Variants in RASAL2 observed in about 807,000 individuals in gnomAD.
The protein encoded by RASAL2 is ras GTPase-activating protein nGAP.
Under a neutral mutation model 128.9 loss-of-function variants are expected in RASAL2, and 58 were observed. That is an observed-to-expected ratio of 0.45 (90% CI 0.36 to 0.56). The LOEUF (loss-of-function observed/expected upper bound fraction) is 0.56, where lower values mean the gene tolerates loss of function less well. RASAL2 is among the 20% of genes least tolerant of loss of function. RASAL2 has a pLI of 0.00. For missense variants in RASAL2, 1,360 were observed against 1,601.6 expected, an observed-to-expected ratio of 0.85 and a Z score of 2.57; for synonymous variants, 561 against 580.8, an observed-to-expected ratio of 0.97 and a Z score of 0.49.
At chr1:178,174,655 T>G (rs1434199111) in intron 1 of RASAL2, among the ~76,000 whole-genome samples, 1 of 152,152 alleles carries the variant, frequency 6.6e-6, no homozygotes, top group Non-Finnish European at 1.5e-5. Flanking sequence ...ATTAGGTCAG[T>G]CAAGAAGGCC....
chr1:178,309,646 T>C (rs545119971), intron 3 of RASAL2, among the ~76,000 whole-genome samples: 2 of 152,162 alleles, frequency 1.3e-5, no homozygotes, highest in African/African-American at 4.8e-5. Context: ...AGTTCTGTTA[T>C]AATATGACAT....
intron 1 of RASAL2, among the ~76,000 whole-genome samples, chr1:178,224,679 G>A (rs1396559029): frequency 6.6e-6 from 1 of 152,086 alleles, no homozygotes; most frequent in East Asian, 1.9e-4. Flanking sequence ...TTTGTTAACC[G>A]TAGCATCTAT....
At chr1:178,176,235 C>T (rs567745031) in intron 1 of RASAL2, among the ~76,000 whole-genome samples, 2 of 151,872 alleles carry the variant, frequency 1.3e-5, no homozygotes, top group African/African-American at 2.4e-5. Flanking sequence ...TTTTTTGACT[C>T]TAGTTGTGGC....
rs1016417114 is a variant in RASAL2 at position 178,476,518 on chromosome 1, TGTG to T, written c.*3282_*3284del. 2 of 151,988 alleles carry T rather than the reference TGTG, an allele frequency of 1.3e-5. No individual in the cohort carries two copies. Among genetic ancestry groups the T allele is most frequent in the African/African-American group, 4.8e-5 (2 of 41,344 alleles). 9.4% of individuals were successfully genotyped at this position (151,988 alleles called of 1,614,324 possible). Reference sequence around the variant, plus strand: ...TATGGCAGTCTAACGGTAAGAAAAATGTGGTAAAATGAGGTAATCATGCTGCTA... The same window carrying T: ...TATGGCAGTCTAACGGTAAGAAAAATGTAAAATGAGGTAATCATGCTGCTA... On this transcript the variant is annotated 3_prime_UTR_variant, in exon 18 of 18. Transcript: ENST00000367649.
At chr1:178,357,624 A>G (rs1215004722) in intron 3 of RASAL2, among the ~76,000 whole-genome samples, 1 of 152,198 alleles carries the variant, frequency 6.6e-6, no homozygotes, top group Non-Finnish European at 1.5e-5. Context: ...CTCAGCCAAA[A>G]ACAAAAAACA....
chr1:178,329,075 C>T (rs1669172218), intron 3 of RASAL2, among the ~76,000 whole-genome samples: 1 of 152,156 alleles, frequency 6.6e-6, no homozygotes, highest in South Asian at 2.1e-4. Context: ...TTGAACAAAG[C>T]ATTCAAAAAT....
intron 3 of RASAL2, among the ~76,000 whole-genome samples, chr1:178,331,105 T>A (rs1361523445): frequency 6.6e-6 from 1 of 152,258 alleles, no homozygotes; most frequent in Admixed American, 6.5e-5. Context: ...TCAGTCCTCT[T>A]AACCACTGTG....
intron 1 of RASAL2, among the ~76,000 whole-genome samples, chr1:178,178,426 T>G (rs1447897095): frequency 6.6e-6 from 1 of 152,112 alleles, no homozygotes; most frequent in Non-Finnish European, 1.5e-5. Context: ...TCGTAACTAT[T>G]TTTTTCCTCT....
At chr1:178,411,546 G>A in intron 4 of RASAL2, 2 of 612,256 alleles carry the variant, frequency 3.3e-6, no homozygotes, top group South Asian at 3.6e-5. Context: ...TAAAACTATT[G>A]AATAAAAATA....
intron 8 of RASAL2, among the ~76,000 whole-genome samples, chr1:178,443,779 T>G (rs1676822030): frequency 6.6e-6 from 1 of 152,126 alleles, no homozygotes; most frequent in Admixed American, 6.6e-5. Flanking sequence ...AAGTAAAAAC[T>G]CAGGAATATT....
At chr1:178,302,044 C>T (rs1320119741) in intron 3 of RASAL2, among the ~76,000 whole-genome samples, 1 of 152,090 alleles carries the variant, frequency 6.6e-6, no homozygotes, top group Non-Finnish European at 1.5e-5. Flanking sequence ...AAAAGCTATC[C>T]TCGTAAATAT....
At chr1:178,390,937 C>T (rs556831049) in intron 4 of RASAL2, among the ~76,000 whole-genome samples, 56 of 151,762 alleles carry the variant, frequency 3.7e-4, no homozygotes, top group African/African-American at 1.3e-3. Context: ...CAGAGAGTGA[C>T]GAGACTCAGA....
At chr1:178,207,242 A>G (rs1370870141) in intron 1 of RASAL2, among the ~76,000 whole-genome samples, 1 of 152,080 alleles carries the variant, frequency 6.6e-6, no homozygotes, top group Non-Finnish European at 1.5e-5. Context: ...TTCTGACCTT[A>G]TATCCAAAGA....
chr1:178,332,428 C>T (rs914216507), intron 3 of RASAL2, among the ~76,000 whole-genome samples: 1 of 151,832 alleles, frequency 6.6e-6, no homozygotes, highest in Non-Finnish European at 1.5e-5. Flanking sequence ...TCGCTTGAAC[C>T]CGGGAGGCAG....
chr1:178,213,515 C>G (rs1326329733), intron 1 of RASAL2, among the ~76,000 whole-genome samples: 1 of 152,054 alleles, frequency 6.6e-6, no homozygotes, highest in African/African-American at 2.4e-5. Flanking sequence ...AACAGTGGAA[C>G]AGTTAAATTA....
intron 1 of RASAL2, among the ~76,000 whole-genome samples, chr1:178,107,231 C>G (rs1659123672): frequency 6.6e-6 from 1 of 152,086 alleles, no homozygotes; most frequent in African/African-American, 2.4e-5. Context: ...ATATTACCCT[C>G]TATTATTGAA....
intron 3 of RASAL2, among the ~76,000 whole-genome samples, chr1:178,328,207 T>C (rs1160939776): frequency 6.6e-6 from 1 of 152,216 alleles, no homozygotes; most frequent in Admixed American, 6.5e-5. Flanking sequence ...TACAGTACCA[T>C]GAATCTGCTC....
intron 1 of RASAL2, among the ~76,000 whole-genome samples, chr1:178,179,450 C>T (rs1662012847): frequency 6.6e-6 from 1 of 151,986 alleles, no homozygotes; most frequent in African/African-American, 2.4e-5. Flanking sequence ...GCGAAGAGTC[C>T]ACCTCTTCAA....
intron 1 of RASAL2, among the ~76,000 whole-genome samples, chr1:178,222,330 C>T (rs1483848117): frequency 6.6e-6 from 1 of 151,954 alleles, no homozygotes; most frequent in Non-Finnish European, 1.5e-5. Context: ...TGTCTTCCAC[C>T]CATTTTCTAC....
Sources: gnomAD v4.1 joint callset for allele counts (sites outside exome capture counted in the v4.1 genomes callset) on GRCh38, gnomAD v4.1.1 for gene constraint, MANE v1.5 for transcripts, NCBI Gene and HGNC (gene_info 2026-07-23, HGNC 2026-07-21) for gene names.